Variants in PCNX2 observed in about 807,000 individuals in gnomAD.
PCNX2 encodes the protein pecanex 2, also known as pecanex-like protein 2.
A neutral mutation model predicts 223.8 loss-of-function variants in PCNX2; 168 were observed. The ratio of observed to expected loss-of-function variants is 0.75; its 90% confidence interval spans 0.66 to 0.85. The LOEUF (loss-of-function observed/expected upper bound fraction) is 0.85. Ranked by LOEUF, PCNX2 falls within the 40% of genes least tolerant of loss-of-function variation. PCNX2 has a pLI of 0.00. For missense variants in PCNX2, 2,507 were observed against 2,675.5 expected, an observed-to-expected ratio of 0.94 and a Z score of 1.39; for synonymous variants, 1,006 against 1,052.6, an observed-to-expected ratio of 0.96 and a Z score of 0.86.
At chr1:233,086,777 A>C (rs1174894608) in intron 23 of PCNX2, among the ~76,000 whole-genome samples, 1 of 152,172 alleles carries the variant, frequency 6.6e-6, no homozygotes, top group Non-Finnish European at 1.5e-5. Flanking sequence ...GGTACCTGCC[A>C]TATTGGAGAG....
At chr1:233,292,680 A>G (rs995315177) in intron 1 of PCNX2, among the ~76,000 whole-genome samples, 4 of 152,232 alleles carry the variant, frequency 2.6e-5, no homozygotes, top group Non-Finnish European at 4.4e-5. Flanking sequence ...GCAACACTGA[A>G]GTGCAGAGGA....
intron 26 of PCNX2, among the ~76,000 whole-genome samples, chr1:233,019,552 A>G (rs1044644997): frequency 6.8e-4 from 104 of 152,276 alleles, no homozygotes; most frequent in African/African-American, 2.5e-3. Context: ...GGAACTCAGC[A>G]CATGGCCTGG....
chr1:233,144,949 TTTTG>T lies in PCNX2; in HGVS notation c.3518-5098_3518-5095del, dbSNP rs1192728309. 1.1e-4 allele frequency among the ~76,000 whole-genome samples: 7 copies of T among 63,254 alleles called. No individual in the cohort carries two copies. The South Asian group carries it at 3.4e-3, about 31-fold the overall frequency. 41.5% of individuals were successfully genotyped at this position (63,254 alleles called of 152,430 possible). On this transcript the variant is annotated intron_variant, in intron 19 of 33. Coordinates refer to ENST00000258229, the MANE Select transcript of PCNX2 (RefSeq NM_014801.4). ...TCGGTGCTATTTGTTGTTGTTGTTG[TTTTG>T]TTTTTTTTTTTTGTTTCTTTTTTTT... is the stretch of plus-strand genomic sequence containing the variant.
chr1:233,002,557 T>C (rs369520857), intron 28 of PCNX2, among the ~76,000 whole-genome samples: 3 of 152,298 alleles, frequency 2.0e-5, no homozygotes, highest in East Asian at 3.9e-4. Flanking sequence ...GGAGAATCAA[T>C]ATTGTGAAAA....
chr1:233,280,687 C>T (rs1661148909), intron 1 of PCNX2, among the ~76,000 whole-genome samples: 1 of 152,186 alleles, frequency 6.6e-6, no homozygotes, highest in Admixed American at 6.5e-5. Context: ...TTCTCCATTA[C>T]ACCCTCAGCA....
intron 1 of PCNX2, among the ~76,000 whole-genome samples, chr1:233,268,251 T>C (rs1004790468): frequency 1.3e-5 from 2 of 152,186 alleles, no homozygotes; most frequent in Admixed American, 6.5e-5. Flanking sequence ...CCATTTTCCA[T>C]AGCAGCTGTG....
chr1:233,070,935 G>A (rs1672827068), intron 23 of PCNX2, among the ~76,000 whole-genome samples: 1 of 152,174 alleles, frequency 6.6e-6, no homozygotes, highest in Admixed American at 6.5e-5. Context: ...TACTGGGGAG[G>A]CTGAGGCAGG....
At chr1:233,046,719 T>C (rs1053619776) in intron 25 of PCNX2, among the ~76,000 whole-genome samples, 3 of 152,228 alleles carry the variant, frequency 2.0e-5, no homozygotes, top group Admixed American at 2.0e-4. Context: ...ACATAATCTC[T>C]GCCTCTATCT....
chr1:233,251,523 G>A (rs1175549395), intron 7 of PCNX2, among the ~76,000 whole-genome samples: 1 of 152,174 alleles, frequency 6.6e-6, no homozygotes, highest in Non-Finnish European at 1.5e-5. Flanking sequence ...CAGCTGGAAG[G>A]TGGCCCTCCA....
At chr1:233,248,031 A>G (rs1055870748) in intron 8 of PCNX2, among the ~76,000 whole-genome samples, 1 of 152,182 alleles carries the variant, frequency 6.6e-6, no homozygotes, top group Non-Finnish European at 1.5e-5. Flanking sequence ...CTGGTGGACC[A>G]AGACCTTGCC....
intron 5 of PCNX2, among the ~76,000 whole-genome samples, 175 bp from the exon 6 acceptor site, chr1:233,252,963 T>C (rs959323300): frequency 6.6e-6 from 1 of 152,202 alleles, no homozygotes; most frequent in East Asian, 1.9e-4. Context: ...TACCTACATA[T>C]ATGTGAAAAA....
chr1:233,171,665 T>C (rs1056261265), intron 17 of PCNX2, among the ~76,000 whole-genome samples: 16 of 152,190 alleles, frequency 1.1e-4, no homozygotes, highest in African/African-American at 3.6e-4. Flanking sequence ...CGGATTCTTT[T>C]TTCTTTAATT....
At chr1:233,128,896 G>C (rs142068536) in intron 21 of PCNX2, among the ~76,000 whole-genome samples, 1 of 152,312 alleles carries the variant, frequency 6.6e-6, no homozygotes, top group African/African-American at 2.4e-5. Context: ...GTGGTAGGAG[G>C]GTCCCATGTC....
chr1:233,041,984 T>C (rs529831746), intron 25 of PCNX2, among the ~76,000 whole-genome samples: 1 of 152,278 alleles, frequency 6.6e-6, no homozygotes, highest in South Asian at 2.1e-4. Context: ...AAAATTGCCT[T>C]CATGCTATGG....
chr1:233,325,715 C>CA, the PCNX2 span, among the ~76,000 whole-genome samples: 350 of 151,754 alleles, frequency 2.3e-3, 1 homozygote, highest in African/African-American at 8.2e-3. Context: ...TATGGAGAGG[C>CA]AAAAAAAGTA....
At position 233,054,218 on chromosome 1, in the gene PCNX2, T is replaced by G. The variant is rs1367141913; in HGVS notation, c.4351+50A>C. The G allele has an allele frequency of 2.6e-6, 4 of 1,533,108 alleles. No homozygotes were observed. The East Asian group carries it at 9.1e-5, about 35-fold the overall frequency. The allele number at this position is 1,533,108 out of a possible 1,614,324, so 95.0% of individuals were successfully genotyped here. On this transcript the variant is annotated intron_variant, in intron 25 of 33. Coordinates refer to ENST00000258229, the MANE Select transcript of PCNX2 (RefSeq NM_014801.4). Reference sequence around the variant, plus strand: ...TCTTCCTAAAGTTTTGCTTGATAATTAACTCAAGCAACCAACTTTCAACAG... The same window carrying G: ...TCTTCCTAAAGTTTTGCTTGATAATGAACTCAAGCAACCAACTTTCAACAG...
At chr1:233,283,129 T>C (rs1661273176) in intron 1 of PCNX2, among the ~76,000 whole-genome samples, 1 of 91,760 alleles carries the variant, frequency 1.1e-5, no homozygotes, top group African/African-American at 3.1e-5. Context: ...ATTTTAGGAC[T>C]GAGCAAATGA....
At chr1:233,275,807 G>A (rs189103008) in intron 1 of PCNX2, among the ~76,000 whole-genome samples, 12 of 151,870 alleles carry the variant, frequency 7.9e-5, no homozygotes, top group South Asian at 2.1e-4. Flanking sequence ...CGAGGTGGGC[G>A]GATCACGAGG....
intron 21 of PCNX2, among the ~76,000 whole-genome samples, chr1:233,105,528 A>T (rs1457743819): frequency 1.3e-5 from 2 of 152,218 alleles, no homozygotes; most frequent in Admixed American, 1.3e-4. Flanking sequence ...GAGTGAAAAG[A>T]AAATTACTAA....
Sources: allele counts gnomAD v4.1 joint callset (sites outside exome capture counted in the v4.1 genomes callset), GRCh38; gene constraint gnomAD v4.1.1; transcripts MANE v1.5; gene names NCBI Gene and HGNC (gene_info 2026-07-23, HGNC 2026-07-21).